Variants in GNAO1 observed in about 807,000 individuals in gnomAD.
The protein encoded by GNAO1 is G protein subunit alpha o1.
For missense variants in GNAO1, 166 were observed against 478.7 expected (o/e 0.35, Z 6.10); for synonymous variants, 164 against 180.7 (o/e 0.91, Z 0.74).
chr16:56,221,413 G>A (rs575122022), intron 2 of GNAO1, among the ~76,000 whole-genome samples: 1 of 152,024 alleles, frequency 6.6e-6, no homozygotes, highest in Admixed American at 6.6e-5. Flanking sequence ...ACTTTGGGAA[G>A]CCAAAGTGGG....
intron 2 of GNAO1, among the ~76,000 whole-genome samples, chr16:56,200,366 A>T (rs2036272000): frequency 6.6e-6 from 1 of 152,236 alleles, no homozygotes; most frequent in Non-Finnish European, 1.5e-5. Context: ...ATAAGGAATG[A>T]ACCTTATTAT....
chr16:56,354,932 C>T lies in GNAO1; in HGVS notation c.944C>T (p.Pro315Leu). ...QAQFESKNRS[P>L]NKEIYCHMTC... is the part of the protein sequence containing the mutation. ...CAATTTGAAAGCAAAAACCGCTCAC[C>T]CAACAAAGAAATATATTGTCACATG... Residue 315 changes from proline (P) to leucine (L), a missense_variant, in exon 8 of 9, where the codon CCC becomes CTC. By Grantham distance (98) the Pro-to-Leu change is moderately conservative. Coordinates refer to ENST00000262493, the MANE Select transcript of GNAO1 (RefSeq NM_020988.3). This position sits in a 1 kb window ranked among gnomAD's most constrained non-coding sequence, Gnocchi z 4.3. The T allele has an allele frequency of 6.2e-7, 1 of 1,613,208 alleles. No homozygotes were observed. The highest frequency in any genetic ancestry group is 8.5e-7 in the Non-Finnish European group (1 of 1,179,270).
intron 3 of GNAO1, among the ~76,000 whole-genome samples, chr16:56,321,551 G>A (rs2143631853): frequency 6.6e-6 from 1 of 152,320 alleles, no homozygotes; most frequent in South Asian, 2.1e-4. Context: ...CCAGTGAGAT[G>A]GGTTGGCCAA....
At chr16:56,194,361 A>G (rs763779513) in intron 2 of GNAO1, 4 of 435,572 alleles carry the variant, frequency 9.2e-6, no homozygotes, top group South Asian at 6.3e-5. Flanking sequence ...AAGCCGCGCC[A>G]CCCCTTTCTC....
At chr16:56,233,298 T>A (rs376680708) in intron 2 of GNAO1, among the ~76,000 whole-genome samples, 1 of 152,366 alleles carries the variant, frequency 6.6e-6, no homozygotes, top group African/African-American at 2.4e-5. Context: ...CATGCCCCAG[T>A]GTCTAGAACA....
At chr16:56,256,493 C>T (rs1313553647) in intron 2 of GNAO1, among the ~76,000 whole-genome samples, 1 of 152,178 alleles carries the variant, frequency 6.6e-6, no homozygotes, top group Admixed American at 6.5e-5. Flanking sequence ...GGGAGATCCC[C>T]ACACCAGTTT....
At chr16:56,240,618 C>G (rs572882700) in intron 2 of GNAO1, among the ~76,000 whole-genome samples, 85 of 152,262 alleles carry the variant, frequency 5.6e-4, no homozygotes, top group Non-Finnish European at 8.5e-4. Flanking sequence ...TCCCATTTCT[C>G]TCAACCTTTG....
chr16:56,301,441 C>T (rs1246918768), intron 3 of GNAO1, among the ~76,000 whole-genome samples: 1 of 152,186 alleles, frequency 6.6e-6, no homozygotes, highest in African/African-American at 2.4e-5. Context: ...GCTCTGAGCC[C>T]TGGGCCCCCT....
At chr16:56,260,999 G>A (rs2036898422) in intron 2 of GNAO1, among the ~76,000 whole-genome samples, 1 of 152,222 alleles carries the variant, frequency 6.6e-6, no homozygotes, top group Non-Finnish European at 1.5e-5. Context: ...CCAGAAGGAT[G>A]TGGCTCACGT....
chr16:56,246,806 C>T (rs761681138), intron 2 of GNAO1, among the ~76,000 whole-genome samples: 1 of 152,290 alleles, frequency 6.6e-6, no homozygotes, highest in East Asian at 1.9e-4. Context: ...AATGCCTCTC[C>T]TCTCCCCTCC....
chr16:56,336,824 C>T lies in GNAO1; in HGVS notation c.687C>T (p.Ser229=), dbSNP rs546569747. The T allele has an allele frequency of 1.4e-4, 233 of 1,613,196 alleles. 2 individuals carry two copies. In the South Asian group the frequency reaches 1.7e-3, roughly 12 times the overall value. The change falls in exon 6 of 9, where the codon AGC becomes AGT. Residue 229 remains serine, a synonymous_variant. Coordinates refer to ENST00000262493, the MANE Select transcript of GNAO1 (RefSeq NM_020988.3). ...VTAIIFCVAL[S]GYDQVLHEDE... ...CCATCATTTTCTGTGTCGCGCTCAG[C>T]GGCTATGACCAGGTGCTCCACGAAG...
chr16:56,192,541 AC>A, intron 1 of GNAO1, 32 bp from the exon 2 acceptor site: 2 of 1,418,748 alleles, frequency 1.4e-6, no homozygotes, highest in Non-Finnish European at 9.7e-7. Context: ...GCTGACACTC[AC>A]CAGTTTTTCC....
At chr16:56,265,247 C>G in intron 2 of GNAO1, among the ~76,000 whole-genome samples, 1 of 152,212 alleles carries the variant, frequency 6.6e-6, no homozygotes, top group East Asian at 1.9e-4. Context: ...CTAATAGAAC[C>G]CCAGGGTCAC....
chr16:56,253,481 G>C (rs1377651599), intron 2 of GNAO1, among the ~76,000 whole-genome samples: 1 of 152,242 alleles, frequency 6.6e-6, no homozygotes, highest in Non-Finnish European at 1.5e-5. Context: ...ATGCAATGCA[G>C]AGTTGCCTGA....
intron 3 of GNAO1, among the ~76,000 whole-genome samples, chr16:56,290,825 C>A (rs2037223773): frequency 6.6e-6 from 1 of 152,274 alleles, no homozygotes; most frequent in African/African-American, 2.4e-5. Flanking sequence ...CAGCCCCTGG[C>A]AACCACTAAT....
chr16:56,354,720 C>A lies in GNAO1; in HGVS notation c.878-146C>A. ...TTTAAAATGCAACTATGGCTTGGAA[C>A]TGCCCAGCAGTTCCTACTGCTCCCT... On this transcript the variant is annotated intron_variant, in intron 7 of 8. Transcript: ENST00000262493. This position sits in a 1 kb window ranked among gnomAD's most constrained non-coding sequence, Gnocchi z 4.3. 7.2e-6 allele frequency: 4 copies of A among 554,258 alleles called. No individual in the cohort carries two copies. The highest frequency in any genetic ancestry group is 3.2e-4 in the Middle Eastern group (1 of 3,124). 34.3% of individuals were successfully genotyped at this position (554,258 alleles called of 1,614,324 possible). A position where few individuals can be genotyped will look rare whatever the true frequency, so the allele number is the denominator to read the frequency against.
At chr16:56,281,982 A>G (rs2037119109) in intron 3 of GNAO1, among the ~76,000 whole-genome samples, 1 of 152,268 alleles carries the variant, frequency 6.6e-6, no homozygotes, top group Non-Finnish European at 1.5e-5. Context: ...CAAATGGACT[A>G]GTAGCAGTCA....
intron 2 of GNAO1, among the ~76,000 whole-genome samples, chr16:56,218,021 A>G (rs1384330078): frequency 6.6e-6 from 1 of 152,176 alleles, no homozygotes; most frequent in East Asian, 1.9e-4. Context: ...ATGCCAAACA[A>G]CTCACCATCT....
chr16:56,338,693 C>G (rs920194851), intron 6 of GNAO1, among the ~76,000 whole-genome samples: 18 of 152,252 alleles, frequency 1.2e-4, no homozygotes, highest in Non-Finnish European at 5.9e-5. Context: ...CCAGGCCCAC[C>G]GGCCATGGGG....
Sources: allele counts gnomAD v4.1 joint callset (sites outside exome capture counted in the v4.1 genomes callset), GRCh38; gene constraint gnomAD v4.1.1; non-coding constraint Gnocchi (gnomAD v3.1); transcripts MANE v1.5; gene names NCBI Gene and HGNC (gene_info 2026-07-23, HGNC 2026-07-21).